The following NUP98 variants were observed in gnomAD, a reference collection of about 807,000 sequenced individuals.
NUP98 encodes nuclear pore complex protein Nup98-Nup96.
In NUP98, 26 loss-of-function variants were observed where a neutral mutation model predicts 191.9. The ratio of observed to expected loss-of-function variants is 0.14; its 90% CI spans 0.10 to 0.19. NUP98 has a LOEUF of 0.19. NUP98 is among the 10% of genes least tolerant of loss of function. The pLI, the probability that NUP98 is intolerant of heterozygous loss-of-function variation, is 1.00. For synonymous variants in NUP98, 808 were observed against 778.4 expected (o/e 1.04, Z -0.63); for missense variants, 1,941 against 2,178.8 (o/e 0.89, Z 2.17).
rs142147762 is a variant in NUP98 at position 3,686,190 on chromosome 11, A to G, written c.4459T>C (p.Tyr1487His). 37 of 1,614,106 alleles carry G rather than the reference A, an allele frequency of 2.3e-5. No individual in the cohort carries two copies. Among genetic ancestry groups the G allele is most frequent in the Non-Finnish European group, 3.0e-5 (35 of 1,180,040 alleles). ...HLLKLYSDRH[Y>H]DLNQLLEPRS... ...GGCTCCAGCAGCTGGTTGAGATCAT[A>G]ATGTCTGCAAAGAACGTGTTGAGAG... is the stretch of plus-strand genomic sequence containing the variant. The change falls in exon 29 of 33, where the codon TAT becomes CAT. Residue 1487 changes from tyrosine (Y) to histidine (H), a missense_variant. By Grantham distance (83) the Tyr-to-His change is moderately conservative. This residue lies in a region of NUP98 where 1,030 missense variants were observed against 1,115.8 expected (regional missense o/e 0.92). Coordinates refer to ENST00000324932, the MANE Select transcript of NUP98 (RefSeq NM_016320.5).
chr11:3,680,552 G>A (rs2077953195), intron 30 of NUP98, among the ~76,000 whole-genome samples: 1 of 152,118 alleles, frequency 6.6e-6, no homozygotes, highest in African/African-American at 2.4e-5. Flanking sequence ...TGTTTTTTGT[G>A]TATTTTTTTG....
chr11:3,727,543 T>C (rs564961278), intron 14 of NUP98, among the ~76,000 whole-genome samples: 1 of 151,962 alleles, frequency 6.6e-6, no homozygotes, highest in African/African-American at 2.4e-5. Context: ...GACTGAAACA[T>C]AGCAACTGGG....
intron 1 of NUP98, among the ~76,000 whole-genome samples, chr11:3,785,184 C>T (rs972859313): frequency 3.3e-5 from 5 of 150,272 alleles, no homozygotes; most frequent in African/African-American, 9.8e-5. Context: ...ATGGCAAAAA[C>T]AAACAAAAAA....
chr11:3,702,843 T>C lies in NUP98; in HGVS notation c.3132A>G (p.Pro1044=). 1 of 1,613,678 alleles carries C rather than the reference T, an allele frequency of 6.2e-7. No individual in the cohort carries two copies. The highest frequency in any genetic ancestry group is 8.5e-7 in the Non-Finnish European group (1 of 1,179,750). ...TACGACATTCTTGCACAGAGACACT[T>C]GGTGAAAGAAAAGCTCCACTTGTAA... is the stretch of plus-strand genomic sequence containing the variant. ...SKFTSGAFLS[P]SVSVQECRTP... The change falls in exon 23 of 33, where the codon CCA becomes CCG. Residue 1044 remains proline, a synonymous_variant. Transcript: ENST00000324932.
At position 3,768,739 on chromosome 11, in the gene NUP98, T is replaced by C. The variant is rs1233595358; in HGVS notation, c.790A>G (p.Thr264Ala). The change falls in exon 8 of 33, where the codon ACT (threonine) becomes GCT (alanine). Residue 264 changes from threonine (T) to alanine (A), a missense_variant. Coordinates refer to ENST00000324932, the MANE Select transcript of NUP98 (RefSeq NM_016320.5). Reference protein sequence around the residue: ...QNKTAFGTSTTGFGTNPGGLF... With the variant: ...QNKTAFGTSTAGFGTNPGGLF... Reference sequence around the variant, plus strand: ...CCACCTGGATTTGTTCCAAATCCAGTTGTACCTTTTAGGAAAAAGAAAAAA... The same window carrying C: ...CCACCTGGATTTGTTCCAAATCCAGCTGTACCTTTTAGGAAAAAGAAAAAA... The C allele has an allele frequency of 3.2e-6, 5 of 1,545,082 alleles. No homozygotes were observed. The South Asian group carries it at 3.8e-5, about 12-fold the overall frequency.
At position 3,675,181 on chromosome 11, in the gene NUP98, C is replaced by T; in HGVS notation, c.*978G>A. 1 of 209,394 alleles carries T rather than the reference C, an allele frequency of 4.8e-6. No homozygotes were observed. The highest frequency in any genetic ancestry group is 7.2e-5 in the East Asian group (1 of 13,976). The allele number at this position is 209,394 out of a possible 1,614,324, so 13.0% of individuals were successfully genotyped here. The stretch of plus-strand genomic sequence containing the variant: ...GCCATATTGCCTGAGATAGCCCTAA[C>T]ACCAGCTATCTCATGCCATTACCTG... On this transcript the variant is annotated 3_prime_UTR_variant, in exon 33 of 33. Coordinates refer to ENST00000324932, the MANE Select transcript of NUP98 (RefSeq NM_016320.5).
intron 10 of NUP98, among the ~76,000 whole-genome samples, chr11:3,756,112 T>C (rs1200469316): frequency 6.6e-6 from 1 of 152,208 alleles, no homozygotes; most frequent in Non-Finnish European, 1.5e-5. Context: ...CATCATCAAT[T>C]TTCCTTGATG....
chr11:3,713,287 C>A (rs910673274), intron 19 of NUP98, among the ~76,000 whole-genome samples: 4 of 152,170 alleles, frequency 2.6e-5, no homozygotes, highest in Non-Finnish European at 5.9e-5. Flanking sequence ...ATTTATAAAT[C>A]CTCATAGGAG....
At chr11:3,786,935 T>G (rs2082161909) in intron 1 of NUP98, among the ~76,000 whole-genome samples, 1 of 152,252 alleles carries the variant, frequency 6.6e-6, no homozygotes, top group South Asian at 2.1e-4. Context: ...ATTAAACTCC[T>G]TTGTATCAAA....
chr11:3,793,648 T>C (rs2082429677), intron 1 of NUP98, among the ~76,000 whole-genome samples: 1 of 151,930 alleles, frequency 6.6e-6, no homozygotes, highest in African/African-American at 2.4e-5. Flanking sequence ...GTATTTCCCA[T>C]TACACTGAAT....
At chr11:3,760,724 G>A (rs982446345) in intron 9 of NUP98, 98 bp from the exon 10 acceptor site, 18 of 856,074 alleles carry the variant, frequency 2.1e-5, no homozygotes, top group Non-Finnish European at 2.9e-5. Flanking sequence ...GGTATGGGGT[G>A]GGAGAAAGAT....
chr11:3,773,210 T>C (rs2081590161), intron 6 of NUP98, among the ~76,000 whole-genome samples: 1 of 152,064 alleles, frequency 6.6e-6, no homozygotes, highest in African/African-American at 2.4e-5. Context: ...GAGACCGGCC[T>C]GAGCAACATA....
At position 3,731,461 on chromosome 11, in the gene NUP98, C is replaced by T. The variant is rs2079849819; in HGVS notation, c.1660G>A (p.Ala554Thr). The T allele has an allele frequency of 2.5e-6, 4 of 1,608,092 alleles. No individual in the cohort carries two copies. The highest frequency in any genetic ancestry group is 3.4e-6 in the Non-Finnish European group (4 of 1,176,986). The change falls in exon 14 of 33, where the codon GCC (alanine) becomes ACC (threonine). Residue 554 changes from alanine to threonine, a missense_variant. By Grantham distance (58) the Ala-to-Thr change is moderately conservative. Coordinates refer to ENST00000324932, the MANE Select transcript of NUP98 (RefSeq NM_016320.5). Reference protein sequence around the residue: ...RPKALQTTGTAKSHLFDGLDD... With the variant: ...RPKALQTTGTTKSHLFDGLDD... ...AGCCCATCAAAGAGATGTGACTTGGCTGTGCCTGTTGTTTGTAAAGCCTTT... is the reference window on the plus strand; with the variant it reads ...AGCCCATCAAAGAGATGTGACTTGGTTGTGCCTGTTGTTTGTAAAGCCTTT...
chr11:3,721,379 C>A (rs2079394497), intron 16 of NUP98, among the ~76,000 whole-genome samples: 1 of 152,066 alleles, frequency 6.6e-6, no homozygotes, highest in Non-Finnish European at 1.5e-5. Context: ...CAAATTTACA[C>A]TCCCAAATAA....
chr11:3,719,078 C>T (rs2079293581), intron 18 of NUP98, among the ~76,000 whole-genome samples: 1 of 151,706 alleles, frequency 6.6e-6, no homozygotes, highest in African/African-American at 2.4e-5. Context: ...TGACATCATT[C>T]CACTGCGCTC....
chr11:3,691,054 T>A (rs1589966035), intron 28 of NUP98, among the ~76,000 whole-genome samples: 1 of 152,290 alleles, frequency 6.6e-6, no homozygotes, highest in Non-Finnish European at 1.5e-5. Flanking sequence ...TCAATGGTAG[T>A]GGAAATATCA....
intron 20 of NUP98, among the ~76,000 whole-genome samples, chr11:3,709,635 G>A (rs1419586923): frequency 2.0e-5 from 3 of 150,096 alleles, no homozygotes; most frequent in Admixed American, 6.6e-5. Flanking sequence ...GGTCCCAAGA[G>A]TTCAACCAGC....
intron 27 of NUP98, among the ~76,000 whole-genome samples, chr11:3,692,452 C>G (rs370854834): frequency 6.6e-6 from 1 of 151,872 alleles, no homozygotes; most frequent in Non-Finnish European, 1.5e-5. Context: ...ATGGTGAAAC[C>G]GCGTCTCTAC....
intron 20 of NUP98, chr11:3,711,733 G>T: frequency 4.0e-6 from 2 of 504,324 alleles, no homozygotes; most frequent in Non-Finnish European, 5.3e-6. Flanking sequence ...ATGCTACCAA[G>T]ATTATAAACA....
Sources: allele counts gnomAD v4.1 joint callset (sites outside exome capture counted in the v4.1 genomes callset), GRCh38; gene constraint gnomAD v4.1.1; regional missense constraint gnomAD v4.1.1; transcripts MANE v1.5; gene names NCBI Gene and HGNC (gene_info 2026-07-23, HGNC 2026-07-21).